The following CPNE8 variants were observed in gnomAD, a reference collection of about 807,000 sequenced individuals.
CPNE8 encodes the protein copine 8.
CPNE8 carries 45 observed loss-of-function variants against 81.5 expected under a neutral mutation model. The ratio of observed to expected loss-of-function variants is 0.55; its 90% CI spans 0.44 to 0.71. The LOEUF (loss-of-function observed/expected upper bound fraction) is 0.71, where lower values mean the gene tolerates loss of function less well. Ranked by LOEUF, CPNE8 falls within the 30% of genes least tolerant of loss-of-function variation. CPNE8 has a pLI of 0.00. For synonymous variants in CPNE8, 252 were observed against 226.3 expected (o/e 1.11, Z -1.02); for missense variants, 594 against 672.1 (o/e 0.88, Z 1.28).
intron 7 of CPNE8, among the ~76,000 whole-genome samples, chr12:38,774,198 C>T (rs1158605634): frequency 2.6e-5 from 4 of 152,062 alleles, no homozygotes; most frequent in Non-Finnish European, 4.4e-5. Context: ...CAACCTGTGT[C>T]TTGGTATCTT....
chr12:38,656,225 A>G (rs1747529918), intron 19 of CPNE8, among the ~76,000 whole-genome samples: 1 of 152,094 alleles, frequency 6.6e-6, no homozygotes, highest in Admixed American at 6.5e-5. Context: ...AATTGTAACT[A>G]TAATTTACTT....
chr12:38,845,603 AAT>A lies in CPNE8; in HGVS notation c.290+2954_290+2955del, dbSNP rs10688139. On this transcript the variant is annotated intron_variant, in intron 4 of 19. Transcript: ENST00000331366. ...TTTTAAAAACCAATATCACAGGTAT[AAT>A]ATATATATATATAACTCGTGAACTA... Among the ~76,000 whole-genome samples, 205 of 150,646 alleles carry A rather than the reference AAT, an allele frequency of 1.4e-3. 2 individuals carry two copies. Among genetic ancestry groups the A allele is most frequent in the Admixed American group, 4.0e-4 (6 of 15,046 alleles).
intron 14 of CPNE8, among the ~76,000 whole-genome samples, chr12:38,702,389 G>T (rs1939969063): frequency 6.6e-6 from 1 of 152,012 alleles, no homozygotes; most frequent in African/African-American, 2.4e-5. Flanking sequence ...GTTAACATAA[G>T]TAATTATTAA....
chr12:38,883,305 TC>T (rs1333166845), intron 1 of CPNE8, among the ~76,000 whole-genome samples: 4 of 152,206 alleles, frequency 2.6e-5, no homozygotes, highest in African/African-American at 9.7e-5. Flanking sequence ...ACACTATTCA[TC>T]TATATCATTC....
chr12:38,796,860 G>A (rs565313291), intron 6 of CPNE8, among the ~76,000 whole-genome samples: 2 of 152,048 alleles, frequency 1.3e-5, no homozygotes, highest in East Asian at 1.9e-4. Context: ...GCGCTTTTCC[G>A]ACGGGCTTAA....
chr12:38,714,007 G>A (rs1424003656), intron 13 of CPNE8, among the ~76,000 whole-genome samples: 2 of 152,080 alleles, frequency 1.3e-5, no homozygotes, highest in South Asian at 2.1e-4. Flanking sequence ...AAAGAGATGT[G>A]GAAAACTTTA....
chr12:38,802,733 G>A (rs925631488), intron 6 of CPNE8, among the ~76,000 whole-genome samples: 9 of 150,752 alleles, frequency 6.0e-5, no homozygotes, highest in African/African-American at 1.7e-4. Flanking sequence ...TTTTTTGAAA[G>A]GATCAACAAA....
chr12:38,687,226 A>C (rs2136661889), intron 15 of CPNE8, among the ~76,000 whole-genome samples: 1 of 152,228 alleles, frequency 6.6e-6, no homozygotes, highest in East Asian at 1.9e-4. Context: ...CCACTTTATA[A>C]AGAAACCAAG....
At chr12:38,763,311 T>G (rs976654176) in intron 8 of CPNE8, among the ~76,000 whole-genome samples, 2 of 152,158 alleles carry the variant, frequency 1.3e-5, no homozygotes, top group African/African-American at 4.8e-5. Flanking sequence ...GCTCTCCAAT[T>G]GCCACCATTT....
intron 10 of CPNE8, among the ~76,000 whole-genome samples, chr12:38,754,970 A>T (rs1037524150): frequency 6.6e-6 from 1 of 152,208 alleles, no homozygotes; most frequent in African/African-American, 2.4e-5. Flanking sequence ...AATACGAAAA[A>T]TATAAAAGGT....
chr12:38,694,475 C>G (rs866648300), intron 14 of CPNE8, among the ~76,000 whole-genome samples: 1 of 152,150 alleles, frequency 6.6e-6, no homozygotes, highest in Middle Eastern at 3.4e-3. Flanking sequence ...TGTGTTTACC[C>G]GGAGGACAAA....
intron 15 of CPNE8, among the ~76,000 whole-genome samples, chr12:38,689,252 G>T (rs1438789584): frequency 6.6e-6 from 1 of 152,144 alleles, no homozygotes; most frequent in Admixed American, 6.5e-5. Context: ...ACTTTAAAAT[G>T]ATTAATAATC....
At chr12:38,705,879 C>T (rs1166068561) in intron 13 of CPNE8, among the ~76,000 whole-genome samples, 23 of 152,000 alleles carry the variant, frequency 1.5e-4, no homozygotes, top group Admixed American at 1.5e-3. Context: ...TGAGATATTA[C>T]ATATACATTT....
chr12:38,799,766 G>C (rs967779412), intron 6 of CPNE8, among the ~76,000 whole-genome samples: 3 of 143,956 alleles, frequency 2.1e-5, no homozygotes, highest in Non-Finnish European at 4.7e-5. Flanking sequence ...TCACTAGGGA[G>C]TGCCAGACAG....
chr12:38,743,350 T>C (rs1941152603), intron 10 of CPNE8, among the ~76,000 whole-genome samples: 1 of 152,080 alleles, frequency 6.6e-6, no homozygotes, highest in African/African-American at 2.4e-5. Context: ...GCCAAAGATT[T>C]TATGTGGTAT....
At chr12:38,833,342 A>G (rs1412517641) in intron 5 of CPNE8, among the ~76,000 whole-genome samples, 1 of 136,140 alleles carries the variant, frequency 7.3e-6, no homozygotes, top group Non-Finnish European at 1.5e-5. Flanking sequence ...ACAGAGTGAG[A>G]CCTTATCTCA....
At chr12:38,699,449 T>TA (rs1565572886) in intron 14 of CPNE8, among the ~76,000 whole-genome samples, 2 of 152,262 alleles carry the variant, frequency 1.3e-5, no homozygotes, top group African/African-American at 4.8e-5. Context: ...CACTGATAAC[T>TA]GATAACTCTG....
chr12:38,807,281 C>T (rs979659583), intron 6 of CPNE8, among the ~76,000 whole-genome samples: 9 of 147,492 alleles, frequency 6.1e-5, no homozygotes, highest in South Asian at 4.5e-4. Context: ...CAAAAAAGAG[C>T]CCGCATCGCC....
chr12:38,896,321 G>A (rs909042222), intron 1 of CPNE8, among the ~76,000 whole-genome samples: 3 of 152,124 alleles, frequency 2.0e-5, no homozygotes, highest in Middle Eastern at 3.4e-3. Flanking sequence ...AAGAATGTCT[G>A]GTAGCTAATG....
Sources: allele counts gnomAD v4.1 joint callset (sites outside exome capture counted in the v4.1 genomes callset), GRCh38; gene constraint gnomAD v4.1.1; transcripts MANE v1.5; gene names NCBI Gene and HGNC (gene_info 2026-07-23, HGNC 2026-07-21).